EPB41: variants seen among roughly 807,000 people sequenced by gnomAD.
EPB41 encodes the protein protein 4.1.
EPB41 carries 65 observed loss-of-function variants against 108.0 expected under a neutral mutation model. That is an observed-to-expected ratio of 0.60 (90% CI 0.49 to 0.74). EPB41 has a LOEUF of 0.74. EPB41 is among the 30% of genes least tolerant of loss of function. The pLI is 0.00. For missense variants in EPB41, 875 were observed against 1,037.0 expected (o/e 0.84, Z 2.15); for synonymous variants, 336 against 358.9 (o/e 0.94, Z 0.72).
intron 16 of EPB41, among the ~76,000 whole-genome samples, chr1:29,086,918 T>A (rs1659183919): frequency 6.6e-6 from 1 of 150,966 alleles, no homozygotes; most frequent in African/African-American, 2.4e-5. Context: ...GATAAGACAC[T>A]CTTGTAAGCT....
At chr1:28,915,104 G>A (rs1353479712) in intron 1 of EPB41, among the ~76,000 whole-genome samples, 2 of 152,130 alleles carry the variant, frequency 1.3e-5, no homozygotes, top group African/African-American at 4.8e-5. Context: ...GGAGCCTCGG[G>A]AGGAAACCAA....
intron 2 of EPB41, among the ~76,000 whole-genome samples, chr1:28,990,337 C>CCTTCCTTCCTTCCTTCCTTTCT (rs569880468): frequency 2.6e-5 from 1 of 38,330 alleles, no homozygotes; most frequent in African/African-American, 1.0e-4. Context: ...CCTTCCTTCC[C>CCTTCCTTCCTTCCTTCCTTTCT]TCCCTCCCTC....
chr1:29,090,563 C>T (rs1353663057), intron 16 of EPB41, among the ~76,000 whole-genome samples: 1 of 152,064 alleles, frequency 6.6e-6, no homozygotes, highest in Non-Finnish European at 1.5e-5. Context: ...CCAGCCTGAC[C>T]AACATGGAGA....
chr1:29,119,002 C>A lies in EPB41; in HGVS notation c.*2190C>A, dbSNP rs553253. On this transcript the variant is annotated 3_prime_UTR_variant, in exon 21 of 21. Transcript: ENST00000343067. Reference sequence around the variant, plus strand: ...ACTGAGTGTCCCTTTAAAAACTAACCCACTGAATATTCCGTGTGATCTAGA... The same window carrying A: ...ACTGAGTGTCCCTTTAAAAACTAACACACTGAATATTCCGTGTGATCTAGA... The A allele has an allele frequency of 0.61, 93,069 of 152,116 alleles. 29,459 individuals carry two copies. The highest frequency in any genetic ancestry group is 0.7 in the Non-Finnish European group (47,320 of 67,982). 9.4% of individuals were successfully genotyped at this position (152,116 alleles called of 1,614,324 possible).
chr1:28,981,286 C>G (rs929601712), intron 1 of EPB41, among the ~76,000 whole-genome samples: 3 of 152,080 alleles, frequency 2.0e-5, no homozygotes, highest in African/African-American at 7.2e-5. Flanking sequence ...ATATGCATAA[C>G]ACAAAAGATG....
chr1:29,015,761 T>C lies in EPB41; in HGVS notation c.899T>C (p.Ile300Thr). The C allele has an allele frequency of 1.3e-6, 2 of 1,588,166 alleles. No individual in the cohort carries two copies. The highest frequency in any genetic ancestry group is 1.7e-6 in the Non-Finnish European group (2 of 1,157,222). The change falls in exon 6 of 21, where the codon ATA becomes ACA. Residue 300 changes from isoleucine (I) to threonine (T), a missense_variant. Coordinates refer to ENST00000343067, the MANE Select transcript of EPB41 (RefSeq NM_001376013.1). ...GACCCAGCACAGTTAACAGAAGACA[T>C]AACAAGGTAAATAAGTAATAGTTAA... is the stretch of plus-strand genomic sequence containing the variant. The part of the protein sequence containing the change: ...PPDPAQLTED[I>T]TRYYLCLQLR...
At chr1:29,107,441 T>C (rs1431725307) in intron 17 of EPB41, among the ~76,000 whole-genome samples, 8 of 152,164 alleles carry the variant, frequency 5.3e-5, no homozygotes, top group Admixed American at 2.0e-4. Context: ...CTCCCTCAGA[T>C]ATTGAGAGGC....
chr1:29,083,992 T>G (rs1351160772), intron 16 of EPB41, among the ~76,000 whole-genome samples: 3 of 150,046 alleles, frequency 2.0e-5, no homozygotes, highest in Non-Finnish European at 3.0e-5. Context: ...TTGTTTACTT[T>G]AGTTAAGAAC....
intron 1 of EPB41, among the ~76,000 whole-genome samples, chr1:28,960,725 C>CA (rs1019448117): frequency 1.4e-5 from 2 of 142,300 alleles, no homozygotes; most frequent in African/African-American, 2.6e-5. Flanking sequence ...GATCCTGTCG[C>CA]AAAAAAATTT....
chr1:28,990,010 A>C (rs1360746272), intron 2 of EPB41, among the ~76,000 whole-genome samples: 2 of 151,984 alleles, frequency 1.3e-5, no homozygotes, highest in African/African-American at 2.4e-5. Context: ...TAATCCTAGC[A>C]CTCTAGGAGG....
At chr1:28,932,200 G>A (rs565435408) in intron 1 of EPB41, among the ~76,000 whole-genome samples, 19 of 152,102 alleles carry the variant, frequency 1.2e-4, no homozygotes, top group Admixed American at 3.3e-4. Context: ...TCAGCTCACT[G>A]CAGCCTCCGC....
chr1:29,111,610 A>G (rs921737907), intron 18 of EPB41, among the ~76,000 whole-genome samples: 4 of 151,912 alleles, frequency 2.6e-5, no homozygotes, highest in African/African-American at 9.7e-5. Flanking sequence ...CCGAGATCGC[A>G]CCACTGTACT....
At chr1:29,080,097 ATTATTTATTTAT>A (rs33953606) in intron 16 of EPB41, among the ~76,000 whole-genome samples, 22 of 145,736 alleles carry the variant, frequency 1.5e-4, no homozygotes, top group South Asian at 1.1e-3. Context: ...ATAAAGCAAC[ATTATTTATTTAT>A]TTATTTATTT....
intron 11 of EPB41, among the ~76,000 whole-genome samples, chr1:29,042,685 G>T (rs1412834640): frequency 1.3e-5 from 2 of 151,860 alleles, no homozygotes; most frequent in African/African-American, 4.8e-5. Context: ...CACCATGTTG[G>T]CTAGGCTAGT....
intron 2 of EPB41, among the ~76,000 whole-genome samples, chr1:28,988,627 T>A (rs1182540844): frequency 6.6e-6 from 1 of 152,234 alleles, no homozygotes; most frequent in Non-Finnish European, 1.5e-5. Context: ...CCCAAAGTGC[T>A]GGGACTACAG....
intron 17 of EPB41, among the ~76,000 whole-genome samples, chr1:29,104,446 G>A (rs182737304): frequency 2.2e-4 from 34 of 152,042 alleles, no homozygotes; most frequent in African/African-American, 7.5e-4. Context: ...ACAGGGTCTC[G>A]CACTGTTGCC....
At chr1:29,067,535 C>G (rs1435701345) in intron 16 of EPB41, among the ~76,000 whole-genome samples, 1 of 134,774 alleles carries the variant, frequency 7.4e-6, no homozygotes, top group Non-Finnish European at 1.5e-5. Flanking sequence ...GGCATGGTGG[C>G]ATGCGCCTGT....
rs140412557 is a variant in EPB41 at position 29,087,659 on chromosome 1, C to T, written c.2185-10148C>T. ...TGTAGGCGTGAGCCACTGCGCCCGG[C>T]CCATATCCTGCTTTTAATAATATCT... On this transcript the variant is annotated intron_variant, in intron 16 of 20. Coordinates refer to ENST00000343067, the MANE Select transcript of EPB41 (RefSeq NM_001376013.1). Among the ~76,000 whole-genome samples, 1,021 of 152,322 alleles carry T rather than the reference C, an allele frequency of 6.7e-3. 40 individuals carry two copies. The highest frequency in any genetic ancestry group is 0.059 in the Admixed American group (902 of 15,298).
chr1:28,923,301 G>A (rs1157010890), intron 1 of EPB41, among the ~76,000 whole-genome samples: 3 of 150,016 alleles, frequency 2.0e-5, no homozygotes, highest in Admixed American at 1.3e-4. Context: ...CACTATGTTG[G>A]TCAGGCTGGT....
Sources: allele counts gnomAD v4.1 joint callset (sites outside exome capture counted in the v4.1 genomes callset), GRCh38; gene constraint gnomAD v4.1.1; transcripts MANE v1.5; gene names NCBI Gene and HGNC (gene_info 2026-07-23, HGNC 2026-07-21).